Variants in BCAT1 observed in about 807,000 individuals in gnomAD.
BCAT1 encodes the protein branched chain amino acid transaminase 1.
A neutral mutation model predicts 52.4 loss-of-function variants in BCAT1; 48 were observed. The ratio of observed to expected loss-of-function variants is 0.92; its 90% CI spans 0.73 to 1.16. The LOEUF (loss-of-function observed/expected upper bound fraction) is 1.16, where lower values mean the gene tolerates loss of function less well. BCAT1 is among the 50% of genes most tolerant of loss of function. The pLI is 0.00. For synonymous variants in BCAT1, 167 were observed against 161.3 expected, an observed-to-expected ratio of 1.04 and a Z score of -0.27; for missense variants, 451 against 457.1, an observed-to-expected ratio of 0.99 and a Z score of 0.12.
intron 3 of BCAT1, among the ~76,000 whole-genome samples, chr12:24,886,124 T>C (rs895670217): frequency 6.6e-6 from 1 of 152,168 alleles, no homozygotes; most frequent in Admixed American, 6.5e-5. Context: ...CCAATAAACA[T>C]ATGAAAAGGC....
chr12:24,822,045 G>T (rs1940159674), intron 10 of BCAT1, among the ~76,000 whole-genome samples: 1 of 152,182 alleles, frequency 6.6e-6, no homozygotes. Flanking sequence ...GAGTATGATG[G>T]TGAGTAACTG....
intron 1 of BCAT1, among the ~76,000 whole-genome samples, chr12:24,936,952 G>T (rs983145665): frequency 6.6e-6 from 1 of 151,988 alleles, no homozygotes; most frequent in Non-Finnish European, 1.5e-5. Flanking sequence ...TGGGGATGAG[G>T]CTATGGGCAT....
In BCAT1 at chr12:24,898,329, T is replaced by TC. The variant is rs202151501; in HGVS notation, c.78+3484_78+3485insG. 5.2e-3 allele frequency among the ~76,000 whole-genome samples: 494 copies of TC among 95,430 alleles called. 3 individuals carry two copies. Among genetic ancestry groups the TC allele is most frequent in the African/African-American group, 0.018 (477 of 26,608 alleles). The allele number at this position is 95,430 out of a possible 152,430, so 62.6% of individuals were successfully genotyped here. ...TTCACATCATATGTTTGTGGAAGAA[T>TC]TGGAATGCCACAATAACTGATTGTG... On this transcript the variant is annotated intron_variant, in intron 2 of 10. Transcript: ENST00000261192.
At chr12:24,883,223 T>C (rs996102183) in intron 3 of BCAT1, among the ~76,000 whole-genome samples, 2 of 152,034 alleles carry the variant, frequency 1.3e-5, no homozygotes, top group Admixed American at 1.3e-4. Flanking sequence ...GAGGCGGAGA[T>C]TGTGGTGAAC....
Position 24,894,289 on chromosome 12 carries a change from G to A in BCAT1, c.265C>T (p.His89Tyr), listed in dbSNP as rs1476749196. 2.5e-6 allele frequency: 4 copies of A among 1,613,810 alleles called. No homozygotes were observed. The highest frequency in any genetic ancestry group is 2.5e-6 in the Non-Finnish European group (3 of 1,179,860). ...LSLHPGSSAL[H>Y]YAVELFEGLK... ...CATGTACTTACTTCCACTGCATAGT[G>A]CAAAGCTGATGAGCCAGGGTGCAAT... The change falls in exon 3 of 11, where the codon CAC becomes TAC. Residue 89 changes from histidine (H) to tyrosine (Y), a missense_variant. Coordinates refer to ENST00000261192, the MANE Select transcript of BCAT1 (RefSeq NM_005504.7).
rs371369654 is a variant in BCAT1 at position 24,815,373 on chromosome 12, A to T, written c.*2635T>A. 1.3e-5 allele frequency: 2 copies of T among 152,792 alleles called. No individual in the cohort carries two copies. Among genetic ancestry groups the T allele is most frequent in the South Asian group, 4.1e-4 (2 of 4,828 alleles). 9.5% of individuals were successfully genotyped at this position (152,792 alleles called of 1,614,324 possible). A position where few individuals can be genotyped will look rare whatever the true frequency, so the allele number is the denominator to read the frequency against. ...AATAATTGCAGCCAATTATGCAAAT[A>T]TCAGCAACAATATTAATTTGTTGAT... On this transcript the variant is annotated 3_prime_UTR_variant, in exon 11 of 11. Coordinates refer to ENST00000261192, the MANE Select transcript of BCAT1 (RefSeq NM_005504.7).
rs57250406 is a variant in BCAT1, at chr12:24,861,215, G to A, written c.511-11266C>T. Among the ~76,000 whole-genome samples the A allele has an allele frequency of 4.5e-3, 689 of 152,280 alleles. 4 individuals are homozygous for A. The highest frequency in any genetic ancestry group is 0.016 in the African/African-American group (667 of 41,560). On this transcript the variant is annotated intron_variant, in intron 5 of 10. Transcript: ENST00000261192. ...AACCAACCAGTGATCTCTAGCTGCT[G>A]CTCAGAAGAAACAGAAGGGTAACAT...
chr12:24,889,262 G>T (rs971021867), intron 3 of BCAT1, among the ~76,000 whole-genome samples: 3 of 152,180 alleles, frequency 2.0e-5, no homozygotes, highest in Admixed American at 6.5e-5. Context: ...CGAACCCCAA[G>T]GTATATACCC....
Position 24,813,941 on chromosome 12 carries a change from T to C in BCAT1, c.*4067A>G, listed in dbSNP as rs1036098344. 7.2e-5 allele frequency: 11 copies of C among 152,074 alleles called. No homozygotes were observed. Among genetic ancestry groups the C allele is most frequent in the Non-Finnish European group, 8.8e-5 (6 of 67,964 alleles). 9.4% of individuals were successfully genotyped at this position (152,074 alleles called of 1,614,324 possible). ...ATTTCTTAAAACTAACTTCCTAATC[T>C]CTATTGTTGGTTATGTCAACATTTA... is the stretch of plus-strand genomic sequence containing the variant. On this transcript the variant is annotated 3_prime_UTR_variant, in exon 11 of 11. Transcript: ENST00000261192.
intron 1 of BCAT1, among the ~76,000 whole-genome samples, chr12:24,948,249 T>C (rs1365126312): frequency 6.6e-6 from 1 of 152,202 alleles, no homozygotes. Flanking sequence ...AACAAAACAC[T>C]CAACGGTGTA....
intron 1 of BCAT1, among the ~76,000 whole-genome samples, chr12:24,909,265 G>A (rs1336139627): frequency 6.6e-6 from 1 of 152,082 alleles, no homozygotes; most frequent in Non-Finnish European, 1.5e-5. Context: ...GTATTGGGAA[G>A]ACAATGACAG....
At chr12:24,938,971 T>C (rs1943810349) in intron 1 of BCAT1, among the ~76,000 whole-genome samples, 2 of 152,032 alleles carry the variant, frequency 1.3e-5, no homozygotes, top group Non-Finnish European at 2.9e-5. Context: ...ACCTCCCAGG[T>C]TCAAGCAATT....
intron 5 of BCAT1, among the ~76,000 whole-genome samples, chr12:24,866,973 T>G (rs1942038550): frequency 6.6e-6 from 1 of 152,176 alleles, no homozygotes; most frequent in Non-Finnish European, 1.5e-5. Flanking sequence ...CTGCTCACTC[T>G]TTGGGTCCAC....
intron 5 of BCAT1, among the ~76,000 whole-genome samples, chr12:24,871,608 G>C (rs1942185696): frequency 6.6e-6 from 1 of 152,254 alleles, no homozygotes; most frequent in African/African-American, 2.4e-5. Context: ...AATGAGAGTG[G>C]TGAATGAAGA....
chr12:24,853,409 T>C (rs1431459171), intron 5 of BCAT1, among the ~76,000 whole-genome samples: 5 of 152,116 alleles, frequency 3.3e-5, no homozygotes, highest in Admixed American at 6.5e-5. Context: ...TAGGTACATA[T>C]AGACACAAAG....
intron 5 of BCAT1, among the ~76,000 whole-genome samples, chr12:24,862,992 T>C (rs1449732295): frequency 4.6e-5 from 7 of 152,208 alleles, no homozygotes; most frequent in South Asian, 2.1e-4. Flanking sequence ...GTCCAAATTT[T>C]CTGAGACTTG....
intron 5 of BCAT1, among the ~76,000 whole-genome samples, chr12:24,853,234 T>G (rs887161062): frequency 6.6e-6 from 1 of 152,174 alleles, no homozygotes; most frequent in Non-Finnish European, 1.5e-5. Flanking sequence ...AAAGAAAATG[T>G]GATACATATA....
At chr12:24,903,894 A>T (rs1160103964) in intron 1 of BCAT1, 1 of 152,226 alleles carries the variant, frequency 6.6e-6, no homozygotes, top group Non-Finnish European at 1.5e-5. Context: ...TTTTTAAATT[A>T]ATAGGAAGTG....
At chr12:24,884,592 G>A (rs905407909) in intron 3 of BCAT1, among the ~76,000 whole-genome samples, 4 of 151,970 alleles carry the variant, frequency 2.6e-5, no homozygotes, top group South Asian at 2.1e-4. Context: ...ACACTACATC[G>A]TACCCCATAA....
Sources: allele counts gnomAD v4.1 joint callset (sites outside exome capture counted in the v4.1 genomes callset), GRCh38; gene constraint gnomAD v4.1.1; transcripts MANE v1.5; gene names NCBI Gene and HGNC (gene_info 2026-07-23, HGNC 2026-07-21).